FBN2: variants seen among roughly 807,000 people sequenced by gnomAD.
The protein encoded by FBN2 is fibrillin 2, also known as fibrillin-2.
In FBN2, 105 loss-of-function variants were observed where a neutral mutation model predicts 355.6. The observed-to-expected ratio is 0.30, with a 90% confidence interval of 0.25 to 0.35. The LOEUF is 0.35. FBN2 is among the 10% of genes least tolerant of loss of function. The pLI, the probability that FBN2 is intolerant of heterozygous loss-of-function variation, is 1.00. For synonymous variants in FBN2, 1,350 were observed against 1,301.2 expected (o/e 1.04, Z -0.81); for missense variants, 3,280 against 3,758.7 (o/e 0.87, Z 3.33).
At chr5:128,304,746 T>C (rs1327476763) in intron 45 of FBN2, among the ~76,000 whole-genome samples, 2 of 151,768 alleles carry the variant, frequency 1.3e-5, no homozygotes, top group Non-Finnish European at 2.9e-5. Context: ...CATATCGCAG[T>C]ATGTCCCTGC....
chr5:128,531,334 C>A (rs550688951), intron 2 of FBN2, among the ~76,000 whole-genome samples: 1 of 152,068 alleles, frequency 6.6e-6, no homozygotes, highest in Non-Finnish European at 1.5e-5. Flanking sequence ...ACTGTATGTT[C>A]TCACTGATAT....
chr5:128,446,272 T>A (rs1028639942), intron 7 of FBN2: 3 of 479,270 alleles, frequency 6.3e-6, no homozygotes, highest in African/African-American at 5.9e-5. Flanking sequence ...GATAACAAAC[T>A]AGATGCAAAT....
intron 7 of FBN2, among the ~76,000 whole-genome samples, chr5:128,411,701 G>A (rs2127003715): frequency 6.6e-6 from 1 of 152,246 alleles, no homozygotes; most frequent in East Asian, 1.9e-4. Flanking sequence ...GCAACATTCG[G>A]GCAGGAAAGC....
At chr5:128,485,024 G>C (rs180912079) in intron 5 of FBN2, among the ~76,000 whole-genome samples, 6 of 123,224 alleles carry the variant, frequency 4.9e-5, no homozygotes, top group Non-Finnish European at 9.5e-5. Context: ...AAATGCACAA[G>C]GAAACTTTTT....
intron 21 of FBN2, among the ~76,000 whole-genome samples, chr5:128,350,208 T>C (rs774710791): frequency 6.6e-6 from 1 of 152,224 alleles, no homozygotes; most frequent in African/African-American, 2.4e-5. Context: ...TTGACCTGTA[T>C]TGAGATTCTC....
chr5:128,319,427 AATAC>A (rs1471672338), intron 34 of FBN2, among the ~76,000 whole-genome samples: 2 of 78,974 alleles, frequency 2.5e-5, no homozygotes, highest in African/African-American at 3.9e-5. Context: ...TGAAAAAACA[AATAC>A]ATAATCATTT....
intron 11 of FBN2, among the ~76,000 whole-genome samples, chr5:128,381,569 A>C (rs1268932280): frequency 6.6e-6 from 1 of 152,134 alleles, no homozygotes; most frequent in Non-Finnish European, 1.5e-5. Flanking sequence ...TATAAATTCA[A>C]AGTGATCAAA....
chr5:128,489,476 A>T (rs1755441824), intron 5 of FBN2, among the ~76,000 whole-genome samples: 2 of 152,012 alleles, frequency 1.3e-5, no homozygotes, highest in African/African-American at 4.8e-5. Flanking sequence ...TTTCACTTAA[A>T]CATTTTTCCT....
At chr5:128,324,994 T>G (rs1233912886) in intron 34 of FBN2, among the ~76,000 whole-genome samples, 1 of 152,208 alleles carries the variant, frequency 6.6e-6, no homozygotes, top group Admixed American at 6.5e-5. Flanking sequence ...TTATTTCCAT[T>G]CTTTTGCATT....
At chr5:128,386,199 T>C (rs1234502842) in intron 11 of FBN2, among the ~76,000 whole-genome samples, 1 of 152,186 alleles carries the variant, frequency 6.6e-6, no homozygotes, top group Non-Finnish European at 1.5e-5. Context: ...AATTTTTGTA[T>C]ATGATGAAAA....
At chr5:128,380,882 C>T (rs1752215821) in intron 11 of FBN2, among the ~76,000 whole-genome samples, 1 of 151,962 alleles carries the variant, frequency 6.6e-6, no homozygotes, top group Non-Finnish European at 1.5e-5. Context: ...TACATTTTGA[C>T]TTCTTAGTAT....
intron 6 of FBN2, among the ~76,000 whole-genome samples, chr5:128,457,720 G>C (rs1309525729): frequency 6.6e-6 from 1 of 151,804 alleles, no homozygotes; most frequent in Non-Finnish European, 1.5e-5. Context: ...ATAAGCAAAG[G>C]GGAAATAAAA....
At chr5:128,271,341 T>C (rs904779355) in intron 62 of FBN2, among the ~76,000 whole-genome samples, 4 of 152,138 alleles carry the variant, frequency 2.6e-5, no homozygotes, top group African/African-American at 7.2e-5. Context: ...GCCAAGAAAT[T>C]AGGCATATGC....
At chr5:128,269,745 A>G (rs1415693397) in intron 62 of FBN2, among the ~76,000 whole-genome samples, 1 of 152,242 alleles carries the variant, frequency 6.6e-6, no homozygotes, top group Non-Finnish European at 1.5e-5. Flanking sequence ...AAATGAATGG[A>G]AAAACATTCC....
chr5:128,301,951 A>G (rs2126834902), intron 46 of FBN2, among the ~76,000 whole-genome samples: 1 of 152,354 alleles, frequency 6.6e-6, no homozygotes, highest in East Asian at 1.9e-4. Flanking sequence ...CTGGAAAATC[A>G]ATGATATTAA....
At chr5:128,268,178 AT>A (rs765221580) in intron 62 of FBN2, among the ~76,000 whole-genome samples, 28 of 152,356 alleles carry the variant, frequency 1.8e-4, no homozygotes, top group Middle Eastern at 3.4e-3. Context: ...CAATAAAAAA[AT>A]GATAAAGGTG....
intron 60 of FBN2, 26 bp from the exon 61 acceptor site, chr5:128,273,994 G>A (rs575531421): frequency 2.0e-5 from 32 of 1,613,408 alleles, no homozygotes; most frequent in South Asian, 1.5e-4. Context: ...GAAGCAGAGC[G>A]TCAAACTTTC....
intron 5 of FBN2, among the ~76,000 whole-genome samples, chr5:128,517,773 A>G (rs187778413): frequency 1.1e-4 from 17 of 152,284 alleles, no homozygotes; most frequent in Non-Finnish European, 1.9e-4. Context: ...CAAAGCCTCT[A>G]TATGTATATA....
At chr5:128,369,559 A>T (rs575520773) in intron 15 of FBN2, among the ~76,000 whole-genome samples, 87 of 152,336 alleles carry the variant, frequency 5.7e-4, no homozygotes, top group African/African-American at 1.9e-3. Context: ...TTTCTTTAAT[A>T]AGTTTTATGA....
Sources: gnomAD v4.1 joint callset for allele counts (sites outside exome capture counted in the v4.1 genomes callset) on GRCh38, gnomAD v4.1.1 for gene constraint, MANE v1.5 for transcripts, NCBI Gene and HGNC (gene_info 2026-07-23, HGNC 2026-07-21) for gene names.